The following ADGRE3 variants were observed in gnomAD, a reference collection of about 807,000 sequenced individuals.
The protein encoded by ADGRE3 is EGF-like module receptor 3.
ADGRE3 carries 88 observed loss-of-function variants against 80.1 expected under a neutral mutation model. That is an observed-to-expected ratio of 1.10 (90% CI 0.93 to 1.31). The LOEUF (loss-of-function observed/expected upper bound fraction) is 1.31, where lower values mean the gene tolerates loss of function less well. Among genes scored for constraint, ADGRE3 ranks in the 40% most tolerant of loss-of-function variants. The pLI, the probability that ADGRE3 is intolerant of heterozygous loss-of-function variation, is 0.00. For synonymous variants in ADGRE3, 281 were observed against 294.8 expected (o/e 0.95, Z 0.48); for missense variants, 715 against 776.5 (o/e 0.92, Z 0.94).
At chr19:14,669,511 CAG>C (rs929045265) in intron 1 of ADGRE3, among the ~76,000 whole-genome samples, 7 of 152,034 alleles carry the variant, frequency 4.6e-5, no homozygotes, top group African/African-American at 1.7e-4. Context: ...TTTTTTGAGA[CAG>C]AGTCTCTTTC....
At position 14,620,566 on chromosome 19, in the gene ADGRE3, ATATTTTTTTTTTTTTTTT is replaced by A. The variant is rs1568471693; in HGVS notation, c.1921-1113_1921-1096del. Among the ~76,000 whole-genome samples, 54 of 16,048 alleles carry A rather than the reference ATATTTTTTTTTTTTTTTT, an allele frequency of 3.4e-3. 7 individuals carry two copies. The highest frequency in any genetic ancestry group is 8.1e-3 in the African/African-American group (33 of 4,068). 10.5% of individuals were successfully genotyped at this position (16,048 alleles called of 152,430 possible). A position where few individuals can be genotyped will look rare whatever the true frequency, so the allele number is the denominator to read the frequency against. ...ATATATATTATATATATATATATAT[ATATTTTTTTTTTTTTTTT>A]TTTTTTTTTTTTTGAGACAGGGTTT... On this transcript the variant is annotated intron_variant, in intron 15 of 15. Transcript: ENST00000253673.
chr19:14,601,600 T>C, the ADGRE3 span, among the ~76,000 whole-genome samples: 1 of 152,078 alleles, frequency 6.6e-6, no homozygotes, highest in East Asian at 1.9e-4. Flanking sequence ...GACATAGGAC[T>C]ATAGTATGGT....
rs141680792 is a variant in ADGRE3 at position 14,634,266 on chromosome 19, G to A, written c.1485-964C>T. The stretch of plus-strand genomic sequence containing the variant: ...ATTACGTGCTCAAATTAAAATGGAT[G>A]CTGCAACATAAAAAATACTCATAGC... On this transcript the variant is annotated intron_variant, in intron 11 of 15. Transcript: ENST00000253673. 3.3e-3 allele frequency among the ~76,000 whole-genome samples: 509 copies of A among 152,188 alleles called. 4 individuals are homozygous for A. Among genetic ancestry groups the A allele is most frequent in the African/African-American group, 0.012 (501 of 41,506 alleles).
At chr19:14,669,910 A>G (rs1266659175) in intron 1 of ADGRE3, among the ~76,000 whole-genome samples, 1 of 152,130 alleles carries the variant, frequency 6.6e-6, no homozygotes, top group Admixed American at 6.5e-5. Context: ...GTTTTAAGCC[A>G]CTAAAAAAGG....
chr19:14,633,296 C>A lies in ADGRE3; in HGVS notation c.1491G>T (p.Trp497Cys), dbSNP rs1257677288. ...PHLYGTADRCWLHLDQGFMWS... is the reference protein window; with the variant it reads ...PHLYGTADRCCLHLDQGFMWS... ...ACATGAATCCCTGGTCCAGGTGGAG[C>A]CAGCATCTAGGAACAGTGGGAAAAG... The change falls in exon 12 of 16, where the codon TGG (tryptophan) becomes TGT (cysteine). Residue 497 changes from tryptophan to cysteine, a missense_variant. Physicochemically the swap from Trp to Cys is radical, Grantham distance 215. Coordinates refer to ENST00000253673, the MANE Select transcript of ADGRE3 (RefSeq NM_032571.5). The A allele has an allele frequency of 6.2e-7, 1 of 1,610,936 alleles. No homozygotes were observed. Among genetic ancestry groups the A allele is most frequent in the East Asian group, 2.2e-5 (1 of 44,836 alleles).
At chr19:14,602,081 C>T in the ADGRE3 span, among the ~76,000 whole-genome samples, 2 of 151,636 alleles carry the variant, frequency 1.3e-5, no homozygotes, top group Non-Finnish European at 2.9e-5. Context: ...CATGAGCCAC[C>T]GCGCCTGGCC....
At chr19:14,662,318 A>AGT (rs1971970642) in intron 3 of ADGRE3, among the ~76,000 whole-genome samples, 200 bp from the exon 4 acceptor site, 3 of 137,492 alleles carry the variant, frequency 2.2e-5, no homozygotes, top group Non-Finnish European at 4.8e-5. Context: ...ATGAGACGAG[A>AGT]ATATAAGTAC....
chr19:14,672,333 T>C lies in ADGRE3; in HGVS notation c.25+2413A>G, dbSNP rs112609730. 7.7e-3 allele frequency among the ~76,000 whole-genome samples: 1,175 copies of C among 152,306 alleles called. 15 individuals are homozygous for C. Among genetic ancestry groups the C allele is most frequent in the African/African-American group, 0.027 (1,138 of 41,566 alleles). ...AAACTTTAGAAATCATCCACTGACT[T>C]ATTTTGTAGATGAGGAAACAGGTCC... is the stretch of plus-strand genomic sequence containing the variant. On this transcript the variant is annotated intron_variant, in intron 1 of 15. Coordinates refer to ENST00000253673, the MANE Select transcript of ADGRE3 (RefSeq NM_032571.5).
intron 1 of ADGRE3, among the ~76,000 whole-genome samples, chr19:14,669,100 A>T (rs1486460856): frequency 6.6e-6 from 1 of 152,196 alleles, no homozygotes; most frequent in Non-Finnish European, 1.5e-5. Context: ...TATAAAAAAG[A>T]CACCTGCACT....
chr19:14,615,314 C>T (rs968466790), downstream of ADGRE3, among the ~76,000 whole-genome samples: 6 of 149,728 alleles, frequency 4.0e-5, no homozygotes, highest in Admixed American at 3.4e-4. Context: ...CCAGCTCCCT[C>T]GTTCCTCGGG....
intron 6 of ADGRE3, 83 bp from the exon 7 acceptor site, chr19:14,651,287 T>C: frequency 6.8e-7 from 1 of 1,469,710 alleles, no homozygotes. Flanking sequence ...TGGTGGTGCA[T>C]GCCTGTAGTC....
At chr19:14,650,088 CCATCTCTCTCTTTCCATCCCTCTCCT>C (rs1260939016) in intron 7 of ADGRE3, among the ~76,000 whole-genome samples, 2 of 150,014 alleles carry the variant, frequency 1.3e-5, no homozygotes, top group African/African-American at 4.9e-5. Flanking sequence ...CTCTCTCTCC[CCATCTCTCTCTTTCCATCCCTCTCCT>C]CATCTCTCTC....
At chr19:14,636,090 CTTTCTTTCTTT>C (rs1568481211) in intron 11 of ADGRE3, among the ~76,000 whole-genome samples, 3 of 22,890 alleles carry the variant, frequency 1.3e-4, no homozygotes, top group Non-Finnish European at 2.0e-4. Flanking sequence ...CCCTTTCTTT[CTTTCTTTCTTT>C]CTTTCTTTCT....
chr19:14,640,702 C>T (rs981621073), intron 10 of ADGRE3, among the ~76,000 whole-genome samples: 1 of 152,086 alleles, frequency 6.6e-6, no homozygotes, highest in African/African-American at 2.4e-5. Flanking sequence ...TTGAATTGCA[C>T]TCCCATAATT....
rs183818794 is a variant in ADGRE3 at position 14,656,894 on chromosome 19, G to A, written c.393+1619C>T. ...TTCTTCTTAACTCCTATATCATTGTGTATTTATTTATTTATTTTTGAGATG... is the reference window on the plus strand; with the variant it reads ...TTCTTCTTAACTCCTATATCATTGTATATTTATTTATTTATTTTTGAGATG... On this transcript the variant is annotated intron_variant, in intron 5 of 15. Transcript: ENST00000253673. Among the ~76,000 whole-genome samples the A allele has an allele frequency of 5.9e-5, 9 of 152,096 alleles. No individual in the cohort carries two copies. The East Asian group carries it at 1.5e-3, about 26-fold the overall frequency.
At chr19:14,643,798 C>T (rs995020889) in intron 9 of ADGRE3, among the ~76,000 whole-genome samples, 2 of 151,936 alleles carry the variant, frequency 1.3e-5, no homozygotes, top group African/African-American at 4.8e-5. Context: ...GAAACCTCTG[C>T]CTCCCAGGTT....
At chr19:14,657,528 C>G (rs569343504) in intron 5 of ADGRE3, among the ~76,000 whole-genome samples, 1 of 148,758 alleles carries the variant, frequency 6.7e-6, no homozygotes, top group South Asian at 2.1e-4. Flanking sequence ...TACATGCACA[C>G]TGTGTGTGTC....
intron 4 of ADGRE3, among the ~76,000 whole-genome samples, chr19:14,659,924 T>C (rs1182092632): frequency 6.6e-6 from 1 of 152,070 alleles, no homozygotes; most frequent in Admixed American, 6.6e-5. Flanking sequence ...ATTCTAAATT[T>C]TGGTTTTCAG....
At chr19:14,645,161 A>G (rs548505127) in intron 8 of ADGRE3, among the ~76,000 whole-genome samples, 2 of 152,112 alleles carry the variant, frequency 1.3e-5, no homozygotes, top group South Asian at 4.1e-4. Flanking sequence ...ACCTTGCCCC[A>G]ACCATGGGAG....
Sources: allele counts gnomAD v4.1 joint callset (sites outside exome capture counted in the v4.1 genomes callset), GRCh38; gene constraint gnomAD v4.1.1; transcripts MANE v1.5; gene names NCBI Gene and HGNC (gene_info 2026-07-23, HGNC 2026-07-21).